ANKRD11: variants seen among roughly 807,000 people sequenced by gnomAD.
ANKRD11 encodes ankyrin repeat domain-containing protein 11.
A neutral mutation model predicts 195.7 loss-of-function variants in ANKRD11; 17 were observed. The observed-to-expected ratio is 0.09, with a 90% CI of 0.06 to 0.13. The LOEUF is 0.13. ANKRD11 is among the 10% of genes least tolerant of loss of function. The pLI, the probability that ANKRD11 is intolerant of heterozygous loss-of-function variation, is 1.00. For missense variants in ANKRD11, 3,735 were observed against 3,566.1 expected (o/e 1.05, Z -1.21); for synonymous variants, 1,953 against 1,528.1 (o/e 1.28, Z -6.49).
chr16:89,337,721 TA>T (rs1405543213), intron 2 of ANKRD11, among the ~76,000 whole-genome samples: 1 of 152,164 alleles, frequency 6.6e-6, no homozygotes, highest in African/African-American at 2.4e-5. Flanking sequence ...ATTACAGGCG[TA>T]AGCCACTGTG....
chr16:89,339,870 G>A (rs1423151010), intron 2 of ANKRD11: 1 of 152,000 alleles, frequency 6.6e-6, no homozygotes, highest in Non-Finnish European at 1.5e-5. Flanking sequence ...TGATACTCAC[G>A]CTACACACAA....
chr16:89,378,993 C>T (rs760022756), intron 2 of ANKRD11, among the ~76,000 whole-genome samples: 24 of 152,198 alleles, frequency 1.6e-4, no homozygotes, highest in Non-Finnish European at 3.2e-4. Flanking sequence ...CACTGGGGAG[C>T]GTCAAGACGC....
At chr16:89,388,142 A>G (rs1295927526) in intron 2 of ANKRD11, among the ~76,000 whole-genome samples, 1 of 152,156 alleles carries the variant, frequency 6.6e-6, no homozygotes, top group East Asian at 1.9e-4. Context: ...CTAACATCAT[A>G]CATAAACATA....
intron 1 of ANKRD11, among the ~76,000 whole-genome samples, chr16:89,463,123 C>A (rs1055867406): frequency 2.0e-5 from 3 of 151,948 alleles, no homozygotes; most frequent in African/African-American, 7.3e-5. Flanking sequence ...GCCGCCCCTA[C>A]TGGGAAGTGA....
chr16:89,467,322 G>C (rs2056919930), intron 1 of ANKRD11, among the ~76,000 whole-genome samples: 1 of 152,014 alleles, frequency 6.6e-6, no homozygotes, highest in Non-Finnish European at 1.5e-5. Context: ...CGCACCTGTA[G>C]TCTCAGCTAT....
At chr16:89,436,325 G>T (rs2043214900) in intron 1 of ANKRD11, among the ~76,000 whole-genome samples, 1 of 151,916 alleles carries the variant, frequency 6.6e-6, no homozygotes, top group South Asian at 2.1e-4. Flanking sequence ...TGAGGCACGA[G>T]AATTGCTTAA....
At position 89,281,303 on chromosome 16, in the gene ANKRD11, G is replaced by C; in HGVS notation, c.5239C>G (p.Pro1747Ala). 11 of 1,614,164 alleles carry C rather than the reference G, an allele frequency of 6.8e-6. No homozygotes were observed. The highest frequency in any genetic ancestry group is 4.0e-5 in the African/African-American group (3 of 75,052). The change falls in exon 9 of 13, where the codon CCC (proline) becomes GCC (alanine). Residue 1747 changes from proline (P) to alanine (A), a missense_variant. Transcript: ENST00000301030. The surrounding 1 kb of genome is among the most constrained non-coding windows in gnomAD (Gnocchi z 5.5). ...FDCADSQHST[P>A]VPTAPTSACS... ...GCGCTGGTGGGAGCGGTGGGCACGG[G>C]CGTGGAGTGCTGCGAGTCGGCGCAG...
chr16:89,469,179 C>CAA (rs780212666), intron 1 of ANKRD11, among the ~76,000 whole-genome samples: 7 of 139,618 alleles, frequency 5.0e-5, no homozygotes, highest in Admixed American at 2.2e-4. Flanking sequence ...GGCTCTGTTT[C>CAA]AAAAAAAAAA....
intron 2 of ANKRD11, among the ~76,000 whole-genome samples, chr16:89,338,657 T>G (rs2038498960): frequency 7.6e-6 from 1 of 132,100 alleles, no homozygotes; most frequent in Non-Finnish European, 1.5e-5. Flanking sequence ...CCTGGGAAGC[T>G]GAGGTTGCAG....
rs771226129 is a variant in ANKRD11 at position 89,283,881 on chromosome 16, C to G, written c.2661G>C (p.Glu887Asp). Reference sequence around the variant, plus strand: ...CCCGGGCCCGGCTGTCCCGCCTCCTCTCCTTGCTGTCCTCCTTCACCGTCT... The same window carrying G: ...CCCGGGCCCGGCTGTCCCGCCTCCTGTCCTTGCTGTCCTCCTTCACCGTCT... ...ILETVKEDSKERRRDSRAREK... is the reference protein window; with the variant it reads ...ILETVKEDSKDRRRDSRAREK... The change falls in exon 9 of 13, where the codon GAG becomes GAC. Residue 887 changes from glutamate (E) to aspartate (D), a missense_variant. By Grantham distance (45) the Glu-to-Asp change is conservative. Transcript: ENST00000301030. This position sits in a 1 kb window ranked among gnomAD's most constrained non-coding sequence, Gnocchi z 4.3. 3.1e-6 allele frequency: 5 copies of G among 1,614,092 alleles called. No homozygotes were observed. The African/African-American group carries it at 5.3e-5, about 17-fold the overall frequency.
rs549908416 is a variant in ANKRD11 at position 89,472,309 on chromosome 16, T to C, written c.-145+17936A>G. 2.3e-4 allele frequency among the ~76,000 whole-genome samples: 35 copies of C among 152,244 alleles called. 2 individuals are homozygous for C. In the South Asian group the frequency reaches 7.0e-3, roughly 31 times the overall value. ...ACCTGTGCTTTTGTGTTTGTGTGGA[T>C]CTGTAGGGACGGTACCAAGATCTCT... On this transcript the variant is annotated intron_variant, in intron 1 of 12. Transcript: ENST00000301030.
intron 2 of ANKRD11, among the ~76,000 whole-genome samples, chr16:89,388,128 A>G (rs2041006256): frequency 6.6e-6 from 1 of 152,038 alleles, no homozygotes; most frequent in African/African-American, 2.4e-5. Flanking sequence ...CAGCTTCCCT[A>G]ATGCTAACAT....
At chr16:89,465,025 A>C (rs1032175138) in intron 1 of ANKRD11, among the ~76,000 whole-genome samples, 12 of 152,252 alleles carry the variant, frequency 7.9e-5, no homozygotes, top group African/African-American at 2.9e-4. Context: ...GAAAAAGAAA[A>C]TAACATTTTG....
chr16:89,285,177 T>C lies in ANKRD11; in HGVS notation c.1365A>G (p.Lys455=), dbSNP rs780300260. Residue 455 remains lysine (K), a synonymous_variant, in exon 9 of 13, where the codon AAA becomes AAG. Coordinates refer to ENST00000301030, the MANE Select transcript of ANKRD11 (RefSeq NM_013275.6). The surrounding 1 kb of genome is among the most constrained non-coding windows in gnomAD (Gnocchi z 5.6). Reference sequence around the variant, plus strand: ...CTTTTGTTTCTTTCTTTCGCTTCTTTTTCACTTTATTTTTTTCCTTCTGCT... The same window carrying C: ...CTTTTGTTTCTTTCTTTCGCTTCTTCTTCACTTTATTTTTTTCCTTCTGCT... ...AKQQKEKNKV[K]KKRKKETKGR... 15 of 1,613,544 alleles carry C rather than the reference T, an allele frequency of 9.3e-6. No individual in the cohort carries two copies. Among genetic ancestry groups the C allele is most frequent in the Non-Finnish European group, 1.3e-5 (15 of 1,180,030 alleles).
intron 2 of ANKRD11, among the ~76,000 whole-genome samples, chr16:89,366,867 G>A (rs1469489315): frequency 6.6e-6 from 1 of 152,198 alleles, no homozygotes; most frequent in Non-Finnish European, 1.5e-5. Flanking sequence ...AGCCACTCAC[G>A]GCCTCTGTCA....
At chr16:89,295,434 CCT>C (rs1331553830) in intron 4 of ANKRD11, among the ~76,000 whole-genome samples, 2 of 152,358 alleles carry the variant, frequency 1.3e-5, no homozygotes, top group African/African-American at 4.8e-5. Context: ...CCTCGCCAGC[CCT>C]CTGAGGCTGG....
intron 1 of ANKRD11, among the ~76,000 whole-genome samples, chr16:89,460,195 G>A (rs954055836): frequency 5.9e-5 from 9 of 152,056 alleles, no homozygotes; most frequent in East Asian, 3.9e-4. Context: ...CTGAGATTGC[G>A]CCACTGCACT....
intron 2 of ANKRD11, among the ~76,000 whole-genome samples, chr16:89,386,163 A>G (rs536766414): frequency 1.2e-4 from 18 of 152,372 alleles, no homozygotes; most frequent in Admixed American, 5.2e-4. Flanking sequence ...CCGGCTTCCA[A>G]TGAACAATTC....
At chr16:89,360,144 C>T (rs898008405) in intron 2 of ANKRD11, among the ~76,000 whole-genome samples, 1 of 152,182 alleles carries the variant, frequency 6.6e-6, no homozygotes, top group Non-Finnish European at 1.5e-5. Context: ...CTTGTAAAGT[C>T]AGAACATGTA....
Sources: gnomAD v4.1 joint callset for allele counts (sites outside exome capture counted in the v4.1 genomes callset) on GRCh38, gnomAD v4.1.1 for gene constraint, Gnocchi (gnomAD v3.1) non-coding constraint, MANE v1.5 for transcripts, NCBI Gene and HGNC (gene_info 2026-07-23, HGNC 2026-07-21) for gene names.